TGFBR1: variants seen among roughly 807,000 people sequenced by gnomAD.
TGFBR1 encodes the protein transforming growth factor beta receptor 1.
In TGFBR1, 20 loss-of-function variants were observed where a neutral mutation model predicts 55.1. The observed-to-expected ratio is 0.36, with a 90% confidence interval of 0.26 to 0.53. The LOEUF is 0.53. Among genes scored for constraint, TGFBR1 ranks in the 20% least tolerant of loss-of-function variants. TGFBR1 has a pLI of 0.91. For missense variants in TGFBR1, 385 were observed against 617.6 expected, an observed-to-expected ratio of 0.62 and a Z score of 3.99; for synonymous variants, 220 against 214.8, an observed-to-expected ratio of 1.02 and a Z score of -0.21.
chr9:99,139,054 C>T lies in TGFBR1; in HGVS notation c.805+965C>T, dbSNP rs183723503. Among the ~76,000 whole-genome samples the T allele has an allele frequency of 3.3e-3, 504 of 152,222 alleles. 1 individual carries two copies. Among genetic ancestry groups the T allele is most frequent in the African/African-American group, 0.011 (470 of 41,528 alleles). On this transcript the variant is annotated intron_variant, in intron 4 of 8. Coordinates refer to ENST00000374994, the MANE Select transcript of TGFBR1 (RefSeq NM_004612.4). ...CTCGTGATCCACCCACCTCACCCTC[C>T]CAAAGTGCTGGGATTACAGGCATGA...
At chr9:99,123,885 T>G (rs2118493695) in intron 1 of TGFBR1, among the ~76,000 whole-genome samples, 1 of 152,326 alleles carries the variant, frequency 6.6e-6, no homozygotes, top group East Asian at 1.9e-4. Context: ...ATATAATCAT[T>G]TATGTTCGTT....
chr9:99,148,318 CAGT>C (rs1170438763), intron 8 of TGFBR1, among the ~76,000 whole-genome samples: 3 of 152,174 alleles, frequency 2.0e-5, no homozygotes, highest in Non-Finnish European at 4.4e-5. Context: ...TTTTTTCCAG[CAGT>C]ATCTGAGCTG....
chr9:99,134,874 A>G (rs1417101903), intron 3 of TGFBR1, among the ~76,000 whole-genome samples: 1 of 126,156 alleles, frequency 7.9e-6, no homozygotes, highest in Non-Finnish European at 1.6e-5. Flanking sequence ...ATGAGGGACC[A>G]TAGCTCTCTG....
Position 99,149,167 on chromosome 9 carries a change from T to C in TGFBR1, c.1387-13T>C, listed in dbSNP as rs746731773. The C allele has an allele frequency of 6.3e-7, 1 of 1,578,972 alleles. No individual in the cohort carries two copies. Among genetic ancestry groups the C allele is most frequent in the Non-Finnish European group, 8.6e-7 (1 of 1,160,484 alleles). ...GTGCATGCATTAATTTTTTTTTTTA[T>C]ATTTTCTTGTAGGCCTTGAGAGTAA... On this transcript the variant is annotated splice_polypyrimidine_tract_variant and intron_variant, in intron 8 of 8. Transcript: ENST00000374994.
chr9:99,112,290 TC>T (rs1826609523), intron 1 of TGFBR1, among the ~76,000 whole-genome samples: 1 of 152,152 alleles, frequency 6.6e-6, no homozygotes, highest in South Asian at 2.1e-4. Context: ...GTGTGGCTGT[TC>T]CCTTGCTTGT....
At chr9:99,143,969 G>A (rs11568791) in intron 5 of TGFBR1, among the ~76,000 whole-genome samples, 8 of 152,170 alleles carry the variant, frequency 5.3e-5, no homozygotes, top group African/African-American at 1.2e-4. Context: ...GTTGTAGCAC[G>A]TATGAGTACT....
intron 5 of TGFBR1, among the ~76,000 whole-genome samples, chr9:99,143,570 A>G (rs11568787): frequency 6.6e-6 from 1 of 152,132 alleles, no homozygotes; most frequent in Admixed American, 6.5e-5. Context: ...CCCACTCCCC[A>G]CTTTACATAC....
At chr9:99,134,363 G>T (rs1458183623) in intron 3 of TGFBR1, among the ~76,000 whole-genome samples, 1 of 152,142 alleles carries the variant, frequency 6.6e-6, no homozygotes, top group African/African-American at 2.4e-5. Flanking sequence ...AAACAGTTGT[G>T]CAAGGAAGAC....
At position 99,111,928 on chromosome 9, in the gene TGFBR1, A is replaced by G. The variant is rs978826244; in HGVS notation, c.97+6626A>G. Among the ~76,000 whole-genome samples the G allele has an allele frequency of 4.6e-5, 7 of 152,338 alleles. No homozygotes were observed. In the East Asian group the frequency reaches 1.2e-3, roughly 25 times the overall value. ...ACAGGGACTGCTTTACAGAGGAGGTAGGACTTGATCTCTCTGCCTTGCAGG... is the reference window on the plus strand; with the variant it reads ...ACAGGGACTGCTTTACAGAGGAGGTGGGACTTGATCTCTCTGCCTTGCAGG... On this transcript the variant is annotated intron_variant, in intron 1 of 8. Coordinates refer to ENST00000374994, the MANE Select transcript of TGFBR1 (RefSeq NM_004612.4).
Position 99,118,643 on chromosome 9 carries a change from C to CTT in TGFBR1, c.98-10193_98-10192dup, listed in dbSNP as rs749441442. ...GCCAAACTCCCTTACTGTTTTCTTT[C>CTT]TTTTTTTTTTTTTTTTTTTTGAGAC... On this transcript the variant is annotated intron_variant, in intron 1 of 8. Transcript: ENST00000374994. Among the ~76,000 whole-genome samples, 845 of 129,698 alleles carry CTT rather than the reference C, an allele frequency of 6.5e-3. 21 individuals are homozygous for CTT. The highest frequency in any genetic ancestry group is 0.023 in the African/African-American group (796 of 34,164). 85.1% of individuals were successfully genotyped at this position (129,698 alleles called of 152,430 possible).
In TGFBR1 at chr9:99,111,295, C is replaced by CTTTTTTTT. The variant is rs3034196; in HGVS notation, c.97+6016_97+6023dup. Among the ~76,000 whole-genome samples the CTTTTTTTT allele has an allele frequency of 7.3e-4, 40 of 55,156 alleles. 4 individuals are homozygous for CTTTTTTTT. The highest frequency in any genetic ancestry group is 2.2e-3 in the African/African-American group (29 of 13,046). The allele number at this position is 55,156 out of a possible 152,430, so 36.2% of individuals were successfully genotyped here. ...ACATTTGGCATATCCTGCACCCATG[C>CTTTTTTTT]TTTTTTTTTTTTTTTTTTTTTTTTT... is the stretch of plus-strand genomic sequence containing the variant. On this transcript the variant is annotated intron_variant, in intron 1 of 8. Coordinates refer to ENST00000374994, the MANE Select transcript of TGFBR1 (RefSeq NM_004612.4).
chr9:99,139,274 C>G (rs975459535), intron 4 of TGFBR1, among the ~76,000 whole-genome samples: 10 of 150,952 alleles, frequency 6.6e-5, no homozygotes, highest in African/African-American at 2.4e-4. Context: ...CTCCCACCTT[C>G]CATTTACTTC....
rs3034196 is a variant in TGFBR1, at chr9:99,111,295, C to CTTTTTT, written c.97+6018_97+6023dup. ...ACATTTGGCATATCCTGCACCCATG[C>CTTTTTT]TTTTTTTTTTTTTTTTTTTTTTTTT... On this transcript the variant is annotated intron_variant, in intron 1 of 8. Transcript: ENST00000374994. Among the ~76,000 whole-genome samples the CTTTTTT allele has an allele frequency of 2.8e-3, 154 of 55,142 alleles. 22 individuals carry two copies. Among genetic ancestry groups the CTTTTTT allele is most frequent in the African/African-American group, 8.6e-3 (112 of 13,038 alleles). 36.2% of individuals were successfully genotyped at this position (55,142 alleles called of 152,430 possible). A position where few individuals can be genotyped will look rare whatever the true frequency, so the allele number is the denominator to read the frequency against.
chr9:99,129,166 A>G, intron 2 of TGFBR1, 66 bp downstream of exon 2: 1 of 1,555,190 alleles, frequency 6.4e-7, no homozygotes. Flanking sequence ...GTGATTTTAG[A>G]ACTGGAAGGG....
At chr9:99,144,020 T>A (rs1276414105) in intron 5 of TGFBR1, among the ~76,000 whole-genome samples, 1 of 152,260 alleles carries the variant, frequency 6.6e-6, no homozygotes. Context: ...AGTGTATGGA[T>A]ATGGCATATG....
rs2118892144 is a variant in TGFBR1 at position 99,151,720 on chromosome 9, T to TC, written c.*2415_*2416insC. 2 of 222,952 alleles carry TC rather than the reference T, an allele frequency of 9.0e-6. No individual in the cohort carries two copies. Among genetic ancestry groups the TC allele is most frequent in the East Asian group, 1.3e-4 (2 of 15,190 alleles). The allele number at this position is 222,952 out of a possible 1,614,324, so 13.8% of individuals were successfully genotyped here. ...TTAGTTCTAAATTGACTTTACGTAT[T>TC]ACTGCAGTTAATTCCTTTTTTGGCT... On this transcript the variant is annotated 3_prime_UTR_variant, in exon 9 of 9. Coordinates refer to ENST00000374994, the MANE Select transcript of TGFBR1 (RefSeq NM_004612.4).
At chr9:99,146,425 T>C in intron 6 of TGFBR1, 60 bp from the exon 7 acceptor site, 4 of 1,601,122 alleles carry the variant, frequency 2.5e-6, no homozygotes, top group Non-Finnish European at 3.4e-6. Flanking sequence ...GAAAGGAGGT[T>C]CATCCAAATA....
At chr9:99,125,425 C>T (rs1032523087) in intron 1 of TGFBR1, among the ~76,000 whole-genome samples, 22 of 152,100 alleles carry the variant, frequency 1.4e-4, no homozygotes, top group African/African-American at 5.3e-4. Context: ...CATTGCATAC[C>T]TACAATTATA....
At chr9:99,113,603 TC>T (rs1826647985) in intron 1 of TGFBR1, among the ~76,000 whole-genome samples, 1 of 152,214 alleles carries the variant, frequency 6.6e-6, no homozygotes, top group Non-Finnish European at 1.5e-5. Context: ...AGAGGATAGT[TC>T]CTAATTTACC....
Sources: gnomAD v4.1 joint callset for allele counts (sites outside exome capture counted in the v4.1 genomes callset) on GRCh38, gnomAD v4.1.1 for gene constraint, MANE v1.5 for transcripts, NCBI Gene and HGNC (gene_info 2026-07-23, HGNC 2026-07-21) for gene names.